Variants in SLC38A10 observed in about 807,000 individuals in gnomAD.
SLC38A10 encodes Sodium-coupled neutral amino acid transporter 10.
A neutral mutation model predicts 81.0 loss-of-function variants in SLC38A10; 53 were observed. The ratio of observed to expected loss-of-function variants is 0.65; its 90% CI spans 0.53 to 0.82. The LOEUF (loss-of-function observed/expected upper bound fraction) is 0.82. Ranked by LOEUF, SLC38A10 falls within the 40% of genes least tolerant of loss-of-function variation. SLC38A10 has a pLI of 0.00. For synonymous variants in SLC38A10, 665 were observed against 655.3 expected (o/e 1.01, Z -0.23); for missense variants, 1,471 against 1,545.0 (o/e 0.95, Z 0.80).
chr17:81,274,718 G>A (rs1050444815), intron 8 of SLC38A10, among the ~76,000 whole-genome samples: 2 of 152,060 alleles, frequency 1.3e-5, no homozygotes, highest in African/African-American at 4.8e-5. Context: ...GCCGCAAGGA[G>A]AGAACCAGGA....
Position 81,272,535 on chromosome 17 carries a change from A to G in SLC38A10, c.1005T>C (p.Gly335=), listed in dbSNP as rs1323936953. The G allele has an allele frequency of 1.4e-5, 23 of 1,597,400 alleles. No homozygotes were observed. The highest frequency in any genetic ancestry group is 6.8e-5 in the South Asian group (6 of 88,202). ...CCTTACCGTTGGGGATAAGGATGCC[A>G]CCAACCATGGTTCCAAACACCACAG... ...TLSVVFGTMV[G]GILIPNVETI... is the part of the protein sequence containing the mutation. Residue 335 remains glycine (G), a synonymous_variant, in exon 9 of 16, where the codon GGT becomes GGC. Coordinates refer to ENST00000374759, the MANE Select transcript of SLC38A10 (RefSeq NM_001037984.3).
Position 81,260,269 on chromosome 17 carries a change from A to G in SLC38A10, c.1257T>C (p.Gly419=). The change falls in exon 11 of 16, where the codon GGT becomes GGC. Residue 419 remains glycine (G), a synonymous_variant. Coordinates refer to ENST00000374759, the MANE Select transcript of SLC38A10 (RefSeq NM_001037984.3). Reference sequence around the variant, plus strand: ...GCCGCGCTGCCTCCACCTTCATCAAACCCTCGGCCTCTCCAAGCCGGCCGC... The same window carrying G: ...GCCGCGCTGCCTCCACCTTCATCAAGCCCTCGGCCTCTCCAAGCCGGCCGC... ...APGGRLGEAE[G]LMKVEAARLS... 6.2e-7 allele frequency: 1 copy of G among 1,603,904 alleles called. No individual in the cohort carries two copies. Among genetic ancestry groups the G allele is most frequent in the East Asian group, 2.2e-5 (1 of 44,556 alleles).
chr17:81,252,423 G>C lies in SLC38A10; in HGVS notation c.1717C>G (p.Leu573Val), dbSNP rs766797510. 3 of 1,613,084 alleles carry C rather than the reference G, an allele frequency of 1.9e-6. No homozygotes were observed. Among genetic ancestry groups the C allele is most frequent in the Non-Finnish European group, 2.5e-6 (3 of 1,180,018 alleles). ...QAQALEEAGD[L>V]PEDPQKVPEA... ...GGAACTTTCTGGGGATCTTCAGGAA[G>C]ATCACCCGCCTCCTCCAAGGCCTGG... Residue 573 changes from leucine to valine, a missense_variant, in exon 13 of 16, where the codon CTT becomes GTT. By Grantham distance (32) the Leu-to-Val change is conservative. Coordinates refer to ENST00000374759, the MANE Select transcript of SLC38A10 (RefSeq NM_001037984.3).
chr17:81,266,169 G>C (rs909004153), intron 10 of SLC38A10, among the ~76,000 whole-genome samples: 1 of 152,228 alleles, frequency 6.6e-6, no homozygotes, highest in African/African-American at 2.4e-5. Flanking sequence ...GGGCAAGAGA[G>C]GAGGAAGCGC....
Position 81,272,540 on chromosome 17 carries a change from C to T in SLC38A10, c.1000G>A (p.Val334Ile). Residue 334 changes from valine (V) to isoleucine (I), a missense_variant, in exon 9 of 16, where the codon GTT (valine) becomes ATT (isoleucine). Physicochemically the swap from Val to Ile is conservative, Grantham distance 29. This residue lies in a region of SLC38A10 where 720 missense variants were observed against 827.7 expected (regional missense o/e 0.87). Transcript: ENST00000374759. Reference protein sequence around the residue: ...LTLSVVFGTMVGGILIPNVET... With the variant: ...LTLSVVFGTMIGGILIPNVET... ...CCGTTGGGGATAAGGATGCCACCAA[C>T]CATGGTTCCAAACACCACAGAGAGG... is the stretch of plus-strand genomic sequence containing the variant. 1 of 1,598,176 alleles carries T rather than the reference C, an allele frequency of 6.3e-7. No individual in the cohort carries two copies. Among genetic ancestry groups the T allele is most frequent in the Non-Finnish European group, 8.5e-7 (1 of 1,173,558 alleles).
chr17:81,252,721 G>T (rs756748692), intron 12 of SLC38A10, 38 bp from the exon 13 acceptor site: 82 of 1,543,362 alleles, frequency 5.3e-5, no homozygotes, highest in Non-Finnish European at 7.0e-5. Flanking sequence ...TCAGGCTGAG[G>T]CCCCTCCTTC....
At position 81,272,470 on chromosome 17, in the gene SLC38A10, G is replaced by C; in HGVS notation, c.1024+46C>G. On this transcript the variant is annotated intron_variant, in intron 9 of 15. Transcript: ENST00000374759. ...TGTGCAGGTCTTGGTTGATGCCGAA[G>C]CCCCGGGTCCCACTCCCCGGCAACA... 5 of 1,331,174 alleles carry C rather than the reference G, an allele frequency of 3.8e-6. 1 individual carries two copies. The highest frequency in any genetic ancestry group is 4.1e-6 in the Non-Finnish European group (4 of 965,936). The allele number at this position is 1,331,174 out of a possible 1,614,324, so 82.5% of individuals were successfully genotyped here. A position where few individuals can be genotyped will look rare whatever the true frequency, so the allele number is the denominator to read the frequency against.
intron 9 of SLC38A10, among the ~76,000 whole-genome samples, chr17:81,271,439 A>G (rs1366698746): frequency 6.6e-6 from 1 of 152,188 alleles, no homozygotes; most frequent in Non-Finnish European, 1.5e-5. Flanking sequence ...CCAGGAGCCC[A>G]GACAGATCGC....
chr17:81,246,620 C>T lies in SLC38A10; in HGVS notation c.2296G>A (p.Glu766Lys), dbSNP rs557809424. 1 of 1,516,202 alleles carries T rather than the reference C, an allele frequency of 6.6e-7. No individual in the cohort carries two copies. Among genetic ancestry groups the T allele is most frequent in the African/African-American group, 1.4e-5 (1 of 71,670 alleles). The allele number at this position is 1,516,202 out of a possible 1,614,324, so 93.9% of individuals were successfully genotyped here. A position where few individuals can be genotyped will look rare whatever the true frequency, so the allele number is the denominator to read the frequency against. ...TCCACCGTCTCCCTGGCCTTGCCTT[C>T]AGGGGCCTCCTGGCCTCTGGGCACC... ...AAVPRGQEAP[E>K]GKARETVENL... is the part of the protein sequence containing the mutation. Residue 766 changes from glutamate to lysine, a missense_variant, in exon 16 of 16, where the codon GAA (glutamate) becomes AAA (lysine). Glu to Lys is a moderately conservative substitution (Grantham distance 56). This residue lies in a region of SLC38A10 where 751 missense variants were observed against 717.4 expected (regional missense o/e 1.05). Coordinates refer to ENST00000374759, the MANE Select transcript of SLC38A10 (RefSeq NM_001037984.3).
At chr17:81,247,788 C>T (rs1476419122) in intron 14 of SLC38A10, among the ~76,000 whole-genome samples, 2 of 151,824 alleles carry the variant, frequency 1.3e-5, no homozygotes, top group South Asian at 2.1e-4. Context: ...CTGCAGTGAG[C>T]CGTGATCACA....
chr17:81,251,268 G>C, intron 14 of SLC38A10: 1 of 1,474,606 alleles, frequency 6.8e-7, no homozygotes, highest in South Asian at 1.1e-5. Context: ...TGACGATGCC[G>C]CAGGTGTTTA....
rs570807162 is a variant in SLC38A10, at chr17:81,253,574, T to C, written c.1289-334A>G. 4.3e-3 allele frequency among the ~76,000 whole-genome samples: 654 copies of C among 151,604 alleles called. 10 individuals carry two copies. Among genetic ancestry groups the C allele is most frequent in the African/African-American group, 0.015 (624 of 41,322 alleles). ...ATTACCATCACCTCCATCATCACCG[T>C]CATCACCGTCACCTCCACCACCACC... On this transcript the variant is annotated intron_variant, in intron 11 of 15. Transcript: ENST00000374759. This position sits in a 1 kb window ranked among gnomAD's most constrained non-coding sequence, Gnocchi z 4.1.
chr17:81,249,571 A>T (rs1207470133), intron 14 of SLC38A10, among the ~76,000 whole-genome samples: 1 of 108,642 alleles, frequency 9.2e-6, no homozygotes, highest in Non-Finnish European at 1.9e-5. Flanking sequence ...GGGGGGAAGG[A>T]GCCATGCCAC....
intron 1 of SLC38A10, among the ~76,000 whole-genome samples, chr17:81,291,131 G>C (rs1049179642): frequency 4.6e-5 from 7 of 152,158 alleles, no homozygotes; most frequent in Non-Finnish European, 7.3e-5. Context: ...GACGGTGAGG[G>C]GGGCGGGGGC....
Position 81,245,594 on chromosome 17 carries a change from G to GC in SLC38A10, c.3321dup (p.Gln1108AlafsTer3), listed in dbSNP as rs1402658794. On this transcript the variant is annotated frameshift_variant, in exon 16 of 16. Coordinates refer to ENST00000374759, the MANE Select transcript of SLC38A10 (RefSeq NM_001037984.3). LOFTEE classifies it low-confidence loss of function (END_TRUNC). ...GGAGGCCCAGGCGCCTGTCTAAGCT[G>GC]CCGGCTGTGGACCACCTGCAGAGCT... 6.2e-7 allele frequency: 1 copy of GC among 1,611,448 alleles called. No homozygotes were observed. Among genetic ancestry groups the GC allele is most frequent in the Admixed American group, 1.7e-5 (1 of 59,932 alleles).
At chr17:81,271,676 C>T (rs1657098463) in intron 9 of SLC38A10, among the ~76,000 whole-genome samples, 2 of 152,010 alleles carry the variant, frequency 1.3e-5, no homozygotes, top group African/African-American at 2.4e-5. Context: ...ACAAATTGAG[C>T]CTGTGTCCCG....
rs1235877356 is a variant in SLC38A10 at position 81,252,619 on chromosome 17, C to T, written c.1521G>A (p.Val507=). The T allele has an allele frequency of 1.2e-6, 2 of 1,612,858 alleles. No individual in the cohort carries two copies. The highest frequency in any genetic ancestry group is 1.6e-4 in the Middle Eastern group (1 of 6,062). Residue 507 remains valine (V), a synonymous_variant, in exon 13 of 16, where the codon GTG becomes GTA. Transcript: ENST00000374759. ...HEPPVPHDKV[V]VDEGQDREVP... ...CCTCTCGGTCTTGGCCTTCATCTACCACCACCTTGTCGTGAGGAACAGGAG... is the reference window on the plus strand; with the variant it reads ...CCTCTCGGTCTTGGCCTTCATCTACTACCACCTTGTCGTGAGGAACAGGAG...
intron 14 of SLC38A10, chr17:81,250,027 C>T: frequency 3.9e-6 from 5 of 1,284,036 alleles, no homozygotes; most frequent in Non-Finnish European, 5.1e-6. Context: ...CTGTGGCCCG[C>T]CAGACAGGCT....
intron 5 of SLC38A10, 101 bp from the exon 6 acceptor site, chr17:81,280,834 A>G: frequency 6.9e-7 from 1 of 1,451,950 alleles, no homozygotes; most frequent in Admixed American, 2.3e-5. Flanking sequence ...AGGAGAGTGC[A>G]GCTCTTCCCA....
Sources: allele counts gnomAD v4.1 joint callset (sites outside exome capture counted in the v4.1 genomes callset), GRCh38; gene constraint gnomAD v4.1.1; regional missense constraint gnomAD v4.1.1; non-coding constraint Gnocchi (gnomAD v3.1); transcripts MANE v1.5; gene names NCBI Gene and HGNC (gene_info 2026-07-23, HGNC 2026-07-21).